The following PDE6A variants were observed in gnomAD, a reference collection of about 807,000 sequenced individuals.
PDE6A encodes rod cGMP-specific 3',5'-cyclic phosphodiesterase subunit alpha.
Under a neutral mutation model 106.3 loss-of-function variants are expected in PDE6A, and 84 were observed. That is an observed-to-expected ratio of 0.79 (90% CI 0.66 to 0.95). The LOEUF (loss-of-function observed/expected upper bound fraction) is 0.95, where lower values mean the gene tolerates loss of function less well. Ranked by LOEUF, PDE6A falls within the 40% of genes least tolerant of loss-of-function variation. The pLI, the probability that PDE6A is intolerant of heterozygous loss-of-function variation, is 0.00. For synonymous variants in PDE6A, 394 were observed against 386.6 expected, an observed-to-expected ratio of 1.02 and a Z score of -0.23; for missense variants, 1,052 against 1,084.9, an observed-to-expected ratio of 0.97 and a Z score of 0.43.
At chr5:149,877,614 C>T (rs762964540) in intron 17 of PDE6A, among the ~76,000 whole-genome samples, 13 of 152,060 alleles carry the variant, frequency 8.5e-5, no homozygotes, top group Admixed American at 5.2e-4. Context: ...CTCCCCATGT[C>T]GGCCAGACTG....
chr5:149,874,645 G>A (rs1760675173), intron 17 of PDE6A, among the ~76,000 whole-genome samples: 1 of 152,144 alleles, frequency 6.6e-6, no homozygotes, highest in African/African-American at 2.4e-5. Flanking sequence ...CTCCCCGGAG[G>A]CTGGGGATGG....
At chr5:149,878,259 A>G (rs1164695783) in intron 17 of PDE6A, among the ~76,000 whole-genome samples, 2 of 151,942 alleles carry the variant, frequency 1.3e-5, no homozygotes, top group Non-Finnish European at 2.9e-5. Flanking sequence ...ATGCCTACGT[A>G]AGGTCACCTT....
intron 5 of PDE6A, among the ~76,000 whole-genome samples, chr5:149,919,345 A>G (rs1561767217): frequency 6.6e-6 from 1 of 152,100 alleles, no homozygotes; most frequent in Non-Finnish European, 1.5e-5. Flanking sequence ...CATCTCTACT[A>G]AAAATATAAA....
intron 1 of PDE6A, among the ~76,000 whole-genome samples, chr5:149,935,863 A>G (rs754610433): frequency 2.6e-5 from 4 of 152,170 alleles, no homozygotes; most frequent in Non-Finnish European, 4.4e-5. Flanking sequence ...TTCTAAAACT[A>G]AGTCTGGGCC....
chr5:149,870,859 AAGAG>A (rs931323395), intron 17 of PDE6A, among the ~76,000 whole-genome samples: 1 of 144,186 alleles, frequency 6.9e-6, no homozygotes, highest in Non-Finnish European at 1.5e-5. Flanking sequence ...AGAAGAAAGA[AAGAG>A]AAAGAGAAAG....
In PDE6A at chr5:149,933,940, C is replaced by T. The variant is rs145035471; in HGVS notation, c.707G>A (p.Arg236Gln). 4 of 1,612,880 alleles carry T rather than the reference C, an allele frequency of 2.5e-6. No homozygotes were observed. The highest frequency in any genetic ancestry group is 1.7e-5 in the Admixed American group (1 of 59,976). The change falls in exon 3 of 22, where the codon CGA becomes CAA. Residue 236 changes from arginine to glutamine, a missense_variant. Around this residue, in one of 3 missense-constraint regions of PDE6A, gnomAD observed 913 missense variants for 915.2 expected, o/e 1.00. Transcript: ENST00000255266. ...GCCCAAGCCCCTTACCTGGCCACGTCGAGTTTCACAGTTGTGCAGGTAACT... is the reference window on the plus strand; with the variant it reads ...GCCCAAGCCCCTTACCTGGCCACGTTGAGTTTCACAGTTGTGCAGGTAACT... ...HLSYLHNCET[R>Q]RGQILLWSGS...
chr5:149,879,396 C>G (rs1760848678), intron 17 of PDE6A, among the ~76,000 whole-genome samples: 1 of 151,166 alleles, frequency 6.6e-6, no homozygotes, highest in African/African-American at 2.4e-5. Flanking sequence ...GAAAAGCTCG[C>G]TCTGAAATTT....
rs771648360 is a variant in PDE6A, at chr5:149,903,659, A to G, written c.1102T>C (p.Phe368Leu). The change falls in exon 8 of 22, where the codon TTT becomes CTT. Residue 368 changes from phenylalanine (F) to leucine (L), a missense_variant. Around this residue, in one of 3 missense-constraint regions of PDE6A, gnomAD observed 913 missense variants for 915.2 expected, o/e 1.00. Coordinates refer to ENST00000255266, the MANE Select transcript of PDE6A (RefSeq NM_000440.3). ...AAAAAATGACTTACCTGAAATGCAAAAAAGTCCTCCGCAGGCGCATTCATG... is the reference window on the plus strand; with the variant it reads ...AAAAAATGACTTACCTGAAATGCAAGAAAGTCCTCCGCAGGCGCATTCATG... ...NIMNAPAEDF[F>L]AFQKEPLDES... 6.2e-7 allele frequency: 1 copy of G among 1,613,770 alleles called. No homozygotes were observed. Among genetic ancestry groups the G allele is most frequent in the Non-Finnish European group, 8.5e-7 (1 of 1,179,670 alleles).
intron 4 of PDE6A, among the ~76,000 whole-genome samples, 174 bp from the exon 5 acceptor site, chr5:149,921,883 T>C (rs371676766): frequency 5.9e-5 from 9 of 152,172 alleles, no homozygotes; most frequent in African/African-American, 2.2e-4. Context: ...AATAGTCACA[T>C]TTGCCCTTCA....
Position 149,863,079 on chromosome 5 carries a change from A to C in PDE6A, c.2506+40T>G, listed in dbSNP as rs773233198. ...GGACGCAGACACTGAGTGCTCAGGG[A>C]GTGGGGTGGTGGGAGTCCCTGCTTC... On this transcript the variant is annotated intron_variant, in intron 21 of 21. Transcript: ENST00000255266. The surrounding 1 kb of genome is among the most constrained non-coding windows in gnomAD (Gnocchi z 4.7). The C allele has an allele frequency of 6.2e-7, 1 of 1,613,520 alleles. No homozygotes were observed. The highest frequency in any genetic ancestry group is 8.5e-7 in the Non-Finnish European group (1 of 1,179,456).
In PDE6A at chr5:149,863,873, C is replaced by T. The variant is rs1760232900; in HGVS notation, c.2359-607G>A. Among the ~76,000 whole-genome samples the T allele has an allele frequency of 1.3e-5, 2 of 152,194 alleles. No individual in the cohort carries two copies. Among genetic ancestry groups the T allele is most frequent in the South Asian group, 4.1e-4 (2 of 4,830 alleles). ...TCCTGGCCTCAAGTGATTCTTCTGC[C>T]TTGGCTTCTCAAAGTGCTGGGATTA... On this transcript the variant is annotated intron_variant, in intron 20 of 21. Coordinates refer to ENST00000255266, the MANE Select transcript of PDE6A (RefSeq NM_000440.3). The surrounding 1 kb of genome is among the most constrained non-coding windows in gnomAD (Gnocchi z 4.7).
intron 17 of PDE6A, among the ~76,000 whole-genome samples, chr5:149,876,909 G>T (rs1760760437): frequency 1.3e-5 from 2 of 149,010 alleles, no homozygotes; most frequent in African/African-American, 5.2e-5. Context: ...TAGATGATGA[G>T]AGATGATAGA....
intron 1 of PDE6A, among the ~76,000 whole-genome samples, chr5:149,940,496 G>T (rs543702413): frequency 1.3e-4 from 16 of 124,864 alleles, no homozygotes; most frequent in Middle Eastern, 4.0e-3. Flanking sequence ...AAAGATACCT[G>T]TTTGAATCCT....
intron 6 of PDE6A, 40 bp from the exon 7 acceptor site, chr5:149,907,418 G>A (rs1179344976): frequency 1.3e-6 from 2 of 1,538,746 alleles, no homozygotes; most frequent in Non-Finnish European, 9.0e-7. Context: ...CTCAGTGCAG[G>A]GATTGCTGGA....
In PDE6A at chr5:149,863,059, C is replaced by CA. The variant is rs1760198229; in HGVS notation, c.2506+59dup. ...GTGTAAGAGTCTCTGAGGCAGGACG[C>CA]AGACACTGAGTGCTCAGGGAGTGGG... On this transcript the variant is annotated intron_variant, in intron 21 of 21. Coordinates refer to ENST00000255266, the MANE Select transcript of PDE6A (RefSeq NM_000440.3). The surrounding 1 kb of genome is among the most constrained non-coding windows in gnomAD (Gnocchi z 4.7). 1 of 1,604,296 alleles carries CA rather than the reference C, an allele frequency of 6.2e-7. No homozygotes were observed. Among genetic ancestry groups the CA allele is most frequent in the Non-Finnish European group, 8.5e-7 (1 of 1,171,270 alleles).
chr5:149,891,962 T>C (rs1752561514), intron 13 of PDE6A, among the ~76,000 whole-genome samples: 2 of 152,242 alleles, frequency 1.3e-5, no homozygotes, highest in South Asian at 2.1e-4. Flanking sequence ...TCTGGTTTTA[T>C]AGAACCGTTC....
At chr5:149,882,845 G>A (rs539846218) in intron 17 of PDE6A, among the ~76,000 whole-genome samples, 1 of 150,650 alleles carries the variant, frequency 6.6e-6, no homozygotes, top group Admixed American at 6.6e-5. Flanking sequence ...ATCACTTGAG[G>A]TCAGGAGTTT....
intron 4 of PDE6A, among the ~76,000 whole-genome samples, chr5:149,928,980 A>G (rs1381527992): frequency 6.6e-6 from 1 of 152,220 alleles, no homozygotes; most frequent in African/African-American, 2.4e-5. Flanking sequence ...GGCTAAAGTT[A>G]CTAAGAATAA....
chr5:149,869,456 G>A (rs1186954993), intron 17 of PDE6A, among the ~76,000 whole-genome samples: 2 of 152,172 alleles, frequency 1.3e-5, no homozygotes, highest in African/African-American at 4.8e-5. Context: ...TTACATAGGT[G>A]GGTACAACAG....
Sources: gnomAD v4.1 joint callset for allele counts (sites outside exome capture counted in the v4.1 genomes callset) on GRCh38, gnomAD v4.1.1 for gene constraint, gnomAD v4.1.1 regional missense constraint, Gnocchi (gnomAD v3.1) non-coding constraint, MANE v1.5 for transcripts, NCBI Gene and HGNC (gene_info 2026-07-23, HGNC 2026-07-21) for gene names.